Variants in WASHC5 observed in about 807,000 individuals in gnomAD.
WASHC5 encodes WASH complex subunit strumpellin.
Under a neutral mutation model 150.4 loss-of-function variants are expected in WASHC5, and 101 were observed. The observed-to-expected ratio is 0.67, with a 90% CI of 0.57 to 0.79. The LOEUF is 0.79. WASHC5 is among the 30% of genes least tolerant of loss of function. The pLI is 0.00. For synonymous variants in WASHC5, 467 were observed against 491.2 expected, an observed-to-expected ratio of 0.95 and a Z score of 0.65; for missense variants, 1,195 against 1,396.3, an observed-to-expected ratio of 0.86 and a Z score of 2.30.
At chr8:125,052,609 T>TACACACACACACAC (rs34684600) in intron 17 of WASHC5, among the ~76,000 whole-genome samples, 9,567 of 141,636 alleles carry the variant, frequency 0.068, 532 homozygotes, top group Admixed American at 0.19. Context: ...TCACACACAC[T>TACACACACACACAC]ACACACACAC....
Position 125,044,681 on chromosome 8 carries a change from T to G in WASHC5, c.2522A>C (p.Asp841Ala). 6.2e-7 allele frequency: 1 copy of G among 1,614,072 alleles called. No individual in the cohort carries two copies. Among genetic ancestry groups the G allele is most frequent in the Middle Eastern group, 1.7e-4 (1 of 6,044 alleles). The change falls in exon 21 of 29, where the codon GAC becomes GCC. Residue 841 changes from aspartate (D) to alanine (A), a missense_variant. Asp to Ala is a moderately radical substitution (Grantham distance 126). Around this residue, in one of 3 missense-constraint regions of WASHC5, gnomAD observed 997 missense variants for 1,168.1 expected, o/e 0.85. Transcript: ENST00000318410. ...ITDPKMTCHI[D>A]QLNTWYDMKT... ...CATATCATACCAAGTGTTCAGCTGG[T>G]CTATGTGACATGTCATTCTAAAATG...
At chr8:125,091,104 TC>T (rs1190613911) in intron 1 of WASHC5, among the ~76,000 whole-genome samples, 1 of 151,136 alleles carries the variant, frequency 6.6e-6, no homozygotes, top group Admixed American at 6.6e-5. Context: ...CTGATTCCGA[TC>T]CCAGGAATCA....
chr8:125,070,979 A>C lies in WASHC5; in HGVS notation c.1150+2174T>G, dbSNP rs576428533. Among the ~76,000 whole-genome samples the C allele has an allele frequency of 3.3e-5, 5 of 152,338 alleles. No homozygotes were observed. The South Asian group carries it at 6.2e-4, about 19-fold the overall frequency. On this transcript the variant is annotated intron_variant, in intron 9 of 28. Coordinates refer to ENST00000318410, the MANE Select transcript of WASHC5 (RefSeq NM_014846.4). The stretch of plus-strand genomic sequence containing the variant: ...ACTGTGAAGTCATCTTGGCTGGAAG[A>C]GCTGTGAGACAGGGGCTACCATGTT...
intron 19 of WASHC5, among the ~76,000 whole-genome samples, 187 bp downstream of exon 19, chr8:125,048,819 G>A (rs528926558): frequency 6.6e-6 from 1 of 152,200 alleles, no homozygotes; most frequent in Admixed American, 6.5e-5. Flanking sequence ...GCCTTCTTAG[G>A]ACAGTGAGCT....
intron 17 of WASHC5, among the ~76,000 whole-genome samples, chr8:125,051,662 C>T (rs956183219): frequency 2.6e-5 from 4 of 152,204 alleles, no homozygotes; most frequent in Middle Eastern, 3.4e-3. Flanking sequence ...CTGAGGCAGG[C>T]GGATCACCCA....
chr8:125,059,510 C>T lies in WASHC5; in HGVS notation c.1554G>A (p.Leu518=). Residue 518 remains leucine (L), a synonymous_variant, in exon 13 of 29, where the codon CTG becomes CTA. Transcript: ENST00000318410. ...TATCGGCAAGAAACTGACATACTTGCAGATTGGATTCCAACTGGTGGAATT... is the reference window on the plus strand; with the variant it reads ...TATCGGCAAGAAACTGACATACTTGTAGATTGGATTCCAACTGGTGGAATT... ...VQEFHQLESN[L]QVCQFLADTR... 6.2e-7 allele frequency: 1 copy of T among 1,613,788 alleles called. No individual in the cohort carries two copies. Among genetic ancestry groups the T allele is most frequent in the Non-Finnish European group, 8.5e-7 (1 of 1,179,926 alleles).
chr8:125,047,444 G>GTT (rs796685951), intron 19 of WASHC5, 113 bp from the exon 20 acceptor site: 1,083 of 857,746 alleles, frequency 1.3e-3, no homozygotes, highest in Non-Finnish European at 1.5e-3. Flanking sequence ...AATAAAGGTT[G>GTT]TTTTTTTTTT....
At chr8:125,036,630 C>T (rs927324990) in intron 26 of WASHC5, among the ~76,000 whole-genome samples, 1 of 143,744 alleles carries the variant, frequency 7.0e-6, no homozygotes, top group Non-Finnish European at 1.5e-5. Flanking sequence ...TGAGATTGTG[C>T]CACTGTACTC....
At chr8:125,076,543 T>C (rs1442359026) in intron 6 of WASHC5, 43 bp from the exon 7 acceptor site, 1 of 1,608,834 alleles carries the variant, frequency 6.2e-7, no homozygotes, top group South Asian at 1.1e-5. Flanking sequence ...GTTGGCAACA[T>C]TTGCACGTAG....
chr8:125,052,628 A>ACC (rs1211507501), intron 17 of WASHC5, among the ~76,000 whole-genome samples: 2 of 151,654 alleles, frequency 1.3e-5, no homozygotes, highest in African/African-American at 4.8e-5. Context: ...ACACACACAC[A>ACC]CACACACACA....
intron 16 of WASHC5, 58 bp from the exon 17 acceptor site, chr8:125,055,729 A>G: frequency 9.7e-7 from 1 of 1,034,050 alleles, no homozygotes; most frequent in South Asian, 1.3e-5. Context: ...GGAATGAACA[A>G]AGATAACAGG....
At chr8:125,052,609 T>TCC (rs1554593112) in intron 17 of WASHC5, among the ~76,000 whole-genome samples, 1 of 141,798 alleles carries the variant, frequency 7.1e-6, no homozygotes, top group African/African-American at 2.8e-5. Context: ...TCACACACAC[T>TCC]ACACACACAC....
rs756057285 is a variant in WASHC5 at position 125,059,419 on chromosome 8, G to A, written c.1645C>T (p.Gln549Ter). The A allele has an allele frequency of 6.2e-7, 1 of 1,614,160 alleles. No homozygotes were observed. Among genetic ancestry groups the A allele is most frequent in the South Asian group, 1.1e-5 (1 of 91,088 alleles). ...NIKEEVLITM[Q>*]IVGDLSFAWQ... is the part of the protein sequence containing the mutation. Reference sequence around the variant, plus strand: ...GCGAAAGAAAGGTCCCCAACGATCTGCATTGTGATCAGAACCTCCTCTTTA... The same window carrying A: ...GCGAAAGAAAGGTCCCCAACGATCTACATTGTGATCAGAACCTCCTCTTTA... The change falls in exon 13 of 29, where the codon CAG (glutamine) becomes TAG (stop). Residue 549 changes from glutamine to a stop codon, truncating the protein, a stop_gained. Coordinates refer to ENST00000318410, the MANE Select transcript of WASHC5 (RefSeq NM_014846.4). LOFTEE classifies it high-confidence loss of function.
rs1816663591 is a variant in WASHC5 at position 125,063,529 on chromosome 8, C to T, written c.1401G>A (p.Glu467=). 1 of 1,613,770 alleles carries T rather than the reference C, an allele frequency of 6.2e-7. No individual in the cohort carries two copies. The highest frequency in any genetic ancestry group is 1.3e-5 in the African/African-American group (1 of 74,918). Residue 467 remains glutamate, a synonymous_variant, in exon 11 of 29, where the codon GAG becomes GAA. Coordinates refer to ENST00000318410, the MANE Select transcript of WASHC5 (RefSeq NM_014846.4). ...TTCCTCTTCAGTAATTACCATTTTT[C>T]TCCACTCTGGTTAGGGGTTTCACTC... is the stretch of plus-strand genomic sequence containing the variant. The part of the protein sequence containing the change: ...FSGVKPLTRV[E]KNENLQAWFR...
At chr8:125,031,576 GT>G (rs1815537146) in intron 27 of WASHC5, among the ~76,000 whole-genome samples, 1 of 152,040 alleles carries the variant, frequency 6.6e-6, no homozygotes, top group Admixed American at 6.6e-5. Flanking sequence ...GCTTTGATTC[GT>G]TTTTTACATT....
chr8:125,047,402 T>C (rs1563615893), intron 19 of WASHC5, 71 bp from the exon 20 acceptor site: 1 of 1,474,058 alleles, frequency 6.8e-7, no homozygotes, highest in Admixed American at 1.7e-5. Context: ...TTCCATATAA[T>C]TTTACAAAGA....
rs1817323191 is a variant in WASHC5, at chr8:125,083,216, G to A, written c.229C>T (p.Leu77=). The A allele has an allele frequency of 1.2e-6, 2 of 1,612,506 alleles. No individual in the cohort carries two copies. Among genetic ancestry groups the A allele is most frequent in the Non-Finnish European group, 1.7e-6 (2 of 1,178,954 alleles). The change falls in exon 3 of 29, where the codon CTA becomes TTA. Residue 77 remains leucine, a synonymous_variant. Coordinates refer to ENST00000318410, the MANE Select transcript of WASHC5 (RefSeq NM_014846.4). ...CGAAATTCTTCATCTAAATCCTGTAGCTCTGGCTTAGCATCCAGTTTGCTT... is the reference window on the plus strand; with the variant it reads ...CGAAATTCTTCATCTAAATCCTGTAACTCTGGCTTAGCATCCAGTTTGCTT... ...WESKLDAKPE[L]QDLDEEFREN...
rs199725572 is a variant in WASHC5 at position 125,059,396 on chromosome 8, G to A, written c.1668C>T (p.Phe556=). 2.0e-5 allele frequency: 32 copies of A among 1,614,148 alleles called. 1 individual carries two copies. Among genetic ancestry groups the A allele is most frequent in the Middle Eastern group, 1.7e-4 (1 of 6,060 alleles). The stretch of plus-strand genomic sequence containing the variant: ...ATTACCTGTCAATCAACTGCCAAGC[G>A]AAAGAAAGGTCCCCAACGATCTGCA... ...ITMQIVGDLS[F]AWQLIDSFTS... is the part of the protein sequence containing the mutation. The change falls in exon 13 of 29, where the codon TTC becomes TTT. Residue 556 remains phenylalanine (F), a synonymous_variant. Transcript: ENST00000318410.
At chr8:125,086,157 T>G (rs1415471406) in intron 1 of WASHC5, among the ~76,000 whole-genome samples, 1 of 151,708 alleles carries the variant, frequency 6.6e-6, no homozygotes, top group Non-Finnish European at 1.5e-5. Flanking sequence ...ACAGAGAGGG[T>G]GACTTAAACA....
Sources: allele counts gnomAD v4.1 joint callset (sites outside exome capture counted in the v4.1 genomes callset), GRCh38; gene constraint gnomAD v4.1.1; regional missense constraint gnomAD v4.1.1; transcripts MANE v1.5; gene names NCBI Gene and HGNC (gene_info 2026-07-23, HGNC 2026-07-21).